ETNK1: variants seen among roughly 807,000 people sequenced by gnomAD.
ETNK1 encodes the protein ethanolamine kinase 1.
In ETNK1, 8 loss-of-function variants were observed where a neutral mutation model predicts 45.1. That is an observed-to-expected ratio of 0.18 (90% CI 0.10 to 0.32). The LOEUF (loss-of-function observed/expected upper bound fraction) is 0.32. ETNK1 is among the 10% of genes least tolerant of loss of function. The pLI is 1.00. For missense variants in ETNK1, 302 were observed against 430.6 expected (o/e 0.70, Z 2.64); for synonymous variants, 152 against 151.9 (o/e 1.00, Z -0.01).
chr12:22,647,341 C>T (rs891728249), intron 2 of ETNK1, among the ~76,000 whole-genome samples: 1 of 151,766 alleles, frequency 6.6e-6, no homozygotes, highest in Non-Finnish European at 1.5e-5. Context: ...CTGAGGGTAC[C>T]GTAGTGGAAC....
In ETNK1 at chr12:22,656,710, A is replaced by G. The variant is rs1445589591; in HGVS notation, c.417-2304A>G. 4 of 985,178 alleles carry G rather than the reference A, an allele frequency of 4.1e-6. No homozygotes were observed. In the African/African-American group the frequency reaches 7.0e-5, roughly 17 times the overall value. 61.0% of individuals were successfully genotyped at this position (985,178 alleles called of 1,614,324 possible). A position where few individuals can be genotyped will look rare whatever the true frequency, so the allele number is the denominator to read the frequency against. On this transcript the variant is annotated intron_variant, in intron 2 of 7. Coordinates refer to ENST00000266517, the MANE Select transcript of ETNK1 (RefSeq NM_018638.5). ...GCAAAGGGGAAAATTACGTTTTGTA[A>G]GAGACCCCAAATCAGGGTCTCTTAT...
intron 2 of ETNK1, among the ~76,000 whole-genome samples, chr12:22,651,726 C>T (rs968164134): frequency 2.7e-5 from 4 of 147,050 alleles, no homozygotes; most frequent in Non-Finnish European, 6.0e-5. Flanking sequence ...GCCATGTCGC[C>T]CAGCCTGGTG....
intron 2 of ETNK1, among the ~76,000 whole-genome samples, chr12:22,649,236 T>C (rs935511504): frequency 2.6e-5 from 4 of 152,102 alleles, no homozygotes; most frequent in Non-Finnish European, 4.4e-5. Context: ...CCAGCTTATC[T>C]GTTCTTCCTT....
chr12:22,640,411 T>G (rs1287508983), intron 1 of ETNK1, among the ~76,000 whole-genome samples: 1 of 151,892 alleles, frequency 6.6e-6, no homozygotes, highest in African/African-American at 2.4e-5. Context: ...TTTTTTTTTT[T>G]TTAAGATGTG....
At chr12:22,653,556 A>G (rs1953903992) in intron 2 of ETNK1, among the ~76,000 whole-genome samples, 1 of 152,188 alleles carries the variant, frequency 6.6e-6, no homozygotes, top group South Asian at 2.1e-4. Flanking sequence ...TTCAGTTTAC[A>G]AGTCTTTCAC....
chr12:22,676,490 G>C (rs1160592614), intron 6 of ETNK1, among the ~76,000 whole-genome samples: 2 of 152,082 alleles, frequency 1.3e-5, no homozygotes, highest in Non-Finnish European at 2.9e-5. Flanking sequence ...TGTCTTTATA[G>C]TAGAATGATT....
chr12:22,627,188 G>A (rs1953514367), intron 1 of ETNK1, among the ~76,000 whole-genome samples: 1 of 151,848 alleles, frequency 6.6e-6, no homozygotes, highest in Admixed American at 6.6e-5. Context: ...AACCATATTA[G>A]GTAGGCACTA....
chr12:22,626,928 A>C (rs370250783), intron 1 of ETNK1, among the ~76,000 whole-genome samples: 1 of 152,198 alleles, frequency 6.6e-6, no homozygotes, highest in Non-Finnish European at 1.5e-5. Flanking sequence ...GTATTTTATT[A>C]TATAAGACTC....
At chr12:22,629,975 A>G (rs938144342) in intron 1 of ETNK1, among the ~76,000 whole-genome samples, 5 of 152,150 alleles carry the variant, frequency 3.3e-5, no homozygotes, top group African/African-American at 1.2e-4. Flanking sequence ...TTAGGCTCCC[A>G]TGTATTTTAT....
intron 1 of ETNK1, among the ~76,000 whole-genome samples, chr12:22,626,785 T>G (rs1953506135): frequency 6.6e-6 from 1 of 152,148 alleles, no homozygotes; most frequent in South Asian, 2.1e-4. Flanking sequence ...TTTAAGGGAG[T>G]ATTTGTTAGC....
rs371874842 is a variant in ETNK1, at chr12:22,660,034, TAAA to T, written c.557+899_557+901del. 5.0e-4 allele frequency among the ~76,000 whole-genome samples: 61 copies of T among 122,554 alleles called. 2 individuals carry two copies. The highest frequency in any genetic ancestry group is 1.3e-3 in the South Asian group (5 of 3,822). The allele number at this position is 122,554 out of a possible 152,430, so 80.4% of individuals were successfully genotyped here. A position where few individuals can be genotyped will look rare whatever the true frequency, so the allele number is the denominator to read the frequency against. On this transcript the variant is annotated intron_variant, in intron 3 of 7. Transcript: ENST00000266517. The stretch of plus-strand genomic sequence containing the variant: ...CACAATTTTCATTCGACACTACCTT[TAAA>T]AAAAAAAAAAAAAAAAAACACCGCA...
chr12:22,643,830 T>C lies in ETNK1; in HGVS notation c.224T>C (p.Val75Ala), dbSNP rs752606955. Reference protein sequence around the residue: ...CYVGNTMEDVVLVRIYGNKTE... With the variant: ...CYVGNTMEDVALVRIYGNKTE... ...GTGGGAAACACCATGGAGGATGTAGTCCTGGTGAGAATTTATGGCAATAAG... is the reference window on the plus strand; with the variant it reads ...GTGGGAAACACCATGGAGGATGTAGCCCTGGTGAGAATTTATGGCAATAAG... Residue 75 changes from valine to alanine, a missense_variant, in exon 2 of 8, where the codon GTC (valine) becomes GCC (alanine). Physicochemically the swap from Val to Ala is moderately conservative, Grantham distance 64 (BLOSUM62 0). This residue lies in a region of ETNK1 where 205 missense variants were observed against 259.9 expected (regional missense o/e 0.79). Coordinates refer to ENST00000266517, the MANE Select transcript of ETNK1 (RefSeq NM_018638.5). The C allele has an allele frequency of 6.2e-7, 1 of 1,613,302 alleles. No homozygotes were observed.
At position 22,665,957 on chromosome 12, in the gene ETNK1, GTA is replaced by G. The variant is rs199974318; in HGVS notation, c.700+4764_700+4765del. On this transcript the variant is annotated intron_variant, in intron 4 of 7. Transcript: ENST00000266517. ...GATTAATTTAGAATTACAAATGTGT[GTA>G]TATATATATATGAGCATATGTATAC... 3.9e-3 allele frequency among the ~76,000 whole-genome samples: 591 copies of G among 151,286 alleles called. 4 individuals are homozygous for G. Among genetic ancestry groups the G allele is most frequent in the African/African-American group, 0.014 (569 of 41,306 alleles).
At position 22,652,705 on chromosome 12, in the gene ETNK1, A is replaced by G. The variant is rs189305483; in HGVS notation, c.417-6309A>G. 2.9e-3 allele frequency among the ~76,000 whole-genome samples: 441 copies of G among 152,082 alleles called. 3 individuals are homozygous for G. The highest frequency in any genetic ancestry group is 0.01 in the African/African-American group (427 of 41,502). On this transcript the variant is annotated intron_variant, in intron 2 of 7. Transcript: ENST00000266517. ...CATGGGGTTGTAATTTTTGTTGTTG[A>G]GTTGTGGGAGTTTGTTATATGTTCT... is the stretch of plus-strand genomic sequence containing the variant.
chr12:22,661,953 T>A (rs1954003710), intron 4 of ETNK1, among the ~76,000 whole-genome samples: 2 of 152,090 alleles, frequency 1.3e-5, no homozygotes, highest in African/African-American at 4.8e-5. Flanking sequence ...TGCCCTTCAA[T>A]GCTAAATTGA....
At chr12:22,684,622 C>T (rs1954243323) in intron 7 of ETNK1, 66 bp downstream of exon 7, 2 of 1,083,860 alleles carry the variant, frequency 1.8e-6, no homozygotes, top group Non-Finnish European at 1.4e-6. Context: ...ATTAAGAATT[C>T]ACAGGGAATA....
chr12:22,635,139 C>A (rs189207934), intron 1 of ETNK1, among the ~76,000 whole-genome samples: 47 of 152,328 alleles, frequency 3.1e-4, no homozygotes, highest in African/African-American at 1.0e-3. Flanking sequence ...ACTTTCTTAC[C>A]AAGCGATAGA....
intron 1 of ETNK1, among the ~76,000 whole-genome samples, chr12:22,633,069 A>C (rs573940040): frequency 2.0e-5 from 3 of 152,238 alleles, no homozygotes; most frequent in African/African-American, 7.2e-5. Context: ...TTGAACACGA[A>C]TATCCATTTC....
intron 1 of ETNK1, chr12:22,638,896 T>C (rs1029223097): frequency 2.6e-5 from 4 of 152,172 alleles, no homozygotes; most frequent in African/African-American, 9.7e-5. Flanking sequence ...TGTATTTCAG[T>C]ATAAATTTGT....
Sources: allele counts gnomAD v4.1 joint callset (sites outside exome capture counted in the v4.1 genomes callset), GRCh38; gene constraint gnomAD v4.1.1; regional missense constraint gnomAD v4.1.1; transcripts MANE v1.5; gene names NCBI Gene and HGNC (gene_info 2026-07-23, HGNC 2026-07-21).